The following CRADD variants were observed in gnomAD, a reference collection of about 807,000 sequenced individuals.
CRADD encodes the protein death domain-containing protein CRADD.
In CRADD, 9 loss-of-function variants were observed where a neutral mutation model predicts 15.5. The ratio of observed to expected loss-of-function variants is 0.58; its 90% confidence interval spans 0.35 to 1.01. CRADD has a LOEUF of 1.01. Among genes scored for constraint, CRADD ranks in the 50% least tolerant of loss-of-function variants. The pLI is 0.02. For synonymous variants in CRADD, 118 were observed against 107.6 expected (o/e 1.10, Z -0.60); for missense variants, 227 against 250.3 (o/e 0.91, Z 0.63).
intron 2 of CRADD, among the ~76,000 whole-genome samples, chr12:93,836,625 T>TGA (rs1957975730): frequency 6.6e-6 from 1 of 152,250 alleles, no homozygotes; most frequent in Non-Finnish European, 1.5e-5. Flanking sequence ...GTAATTTCTC[T>TGA]GGTTTTAAAT....
chr12:93,753,045 G>C (rs750590558), intron 2 of CRADD, among the ~76,000 whole-genome samples: 1 of 151,980 alleles, frequency 6.6e-6, no homozygotes, highest in Non-Finnish European at 1.5e-5. Context: ...CCTCCCACTG[G>C]GTTCTTCCCA....
chr12:93,785,271 T>A (rs370261809), intron 2 of CRADD, among the ~76,000 whole-genome samples: 2 of 152,186 alleles, frequency 1.3e-5, no homozygotes, highest in African/African-American at 4.8e-5. Flanking sequence ...TACCATCTTA[T>A]GTGGTTGAAA....
chr12:93,787,305 G>GTTTTT (rs34146137), intron 2 of CRADD, among the ~76,000 whole-genome samples: 3 of 124,742 alleles, frequency 2.4e-5, no homozygotes, highest in Admixed American at 8.3e-5. Context: ...GTATGACAGG[G>GTTTTT]TTTTTTTTTT....
intron 2 of CRADD, among the ~76,000 whole-genome samples, chr12:93,886,799 A>T (rs530886028): frequency 6.6e-6 from 1 of 152,136 alleles, no homozygotes; most frequent in African/African-American, 2.4e-5. Flanking sequence ...CCCTGCTAAC[A>T]GTGGAGATTT....
At chr12:93,700,754 C>T (rs897108791) in intron 2 of CRADD, among the ~76,000 whole-genome samples, 1 of 152,030 alleles carries the variant, frequency 6.6e-6, no homozygotes, top group Non-Finnish European at 1.5e-5. Flanking sequence ...ATGTGCTGTG[C>T]TGTTGGGTTT....
chr12:93,812,071 T>C (rs1957633618), intron 2 of CRADD, among the ~76,000 whole-genome samples: 1 of 151,996 alleles, frequency 6.6e-6, no homozygotes, highest in Non-Finnish European at 1.5e-5. Context: ...AAGGCAAAAC[T>C]ATAGAGAAAG....
At chr12:93,730,496 T>A (rs1956444609) in intron 2 of CRADD, among the ~76,000 whole-genome samples, 1 of 152,212 alleles carries the variant, frequency 6.6e-6, no homozygotes, top group Non-Finnish European at 1.5e-5. Context: ...CAATATGTAT[T>A]GAAAGCTACA....
At position 93,846,617 on chromosome 12, in the gene CRADD, C is replaced by CAT. The variant is rs1555228800; in HGVS notation, c.299-3352_299-3351insTA. 815 of 151,732 alleles carry CAT rather than the reference C, an allele frequency of 5.4e-3. 13 individuals are homozygous for CAT. Among genetic ancestry groups the CAT allele is most frequent in the Admixed American group, 0.023 (354 of 15,200 alleles). 9.4% of individuals were successfully genotyped at this position (151,732 alleles called of 1,614,324 possible). ...ACACACACACACACACACACACACA[C>CAT]ACACACACGATGGACATAGCTGAAA... On this transcript the variant is annotated intron_variant, in intron 2 of 2. Transcript: ENST00000332896.
At chr12:93,815,571 T>G (rs1471678136) in intron 2 of CRADD, 1 of 152,242 alleles carries the variant, frequency 6.6e-6, no homozygotes, top group Admixed American at 6.5e-5. Context: ...GATCTATGGA[T>G]TTTATACCAG....
At chr12:93,767,153 T>A (rs987528176) in intron 2 of CRADD, among the ~76,000 whole-genome samples, 1 of 152,246 alleles carries the variant, frequency 6.6e-6, no homozygotes, top group African/African-American at 2.4e-5. Context: ...TTCTGCATGT[T>A]TTTCTGCATG....
intron 2 of CRADD, among the ~76,000 whole-genome samples, chr12:93,803,889 A>C (rs1163419396): frequency 2.0e-5 from 3 of 152,112 alleles, no homozygotes; most frequent in Non-Finnish European, 4.4e-5. Context: ...AGGGAGGAAA[A>C]GAGTGGATCA....
intron 2 of CRADD, among the ~76,000 whole-genome samples, chr12:93,735,906 T>C (rs767314865): frequency 9.9e-5 from 15 of 151,594 alleles, no homozygotes; most frequent in Non-Finnish European, 2.1e-4. Context: ...ATAAAGTGCA[T>C]AGCAAGCTGG....
At position 93,881,375 on chromosome 12, in the gene CRADD, A is replaced by G. The variant is rs79368346; in HGVS notation, c.299-12675A>G. ...CAAAAAAAGACTGTGGCTAATAGAT[A>G]TGTCACAGCTTTTTAGAAACACGTC... On this transcript the variant is annotated intron_variant, in intron 2 of 2. Transcript: ENST00000548483. 4.4e-3 allele frequency among the ~76,000 whole-genome samples: 613 copies of G among 139,994 alleles called. 2 individuals are homozygous for G. Among genetic ancestry groups the G allele is most frequent in the Middle Eastern group, 0.031 (8 of 254 alleles). 91.8% of individuals were successfully genotyped at this position (139,994 alleles called of 152,430 possible). A position where few individuals can be genotyped will look rare whatever the true frequency, so the allele number is the denominator to read the frequency against.
intron 2 of CRADD, among the ~76,000 whole-genome samples, chr12:93,772,767 G>A (rs375831394): frequency 2.5e-4 from 38 of 152,292 alleles, no homozygotes; most frequent in African/African-American, 7.5e-4. Context: ...GGGTTGGACT[G>A]GACAGCAAAG....
At chr12:93,683,702 C>T (rs545396379) in intron 2 of CRADD, among the ~76,000 whole-genome samples, 1 of 152,356 alleles carries the variant, frequency 6.6e-6, no homozygotes, top group East Asian at 1.9e-4. Context: ...CACCTGCCGC[C>T]CTCCTGAGAT....
intron 2 of CRADD, among the ~76,000 whole-genome samples, chr12:93,827,224 T>C (rs143645803): frequency 2.4e-4 from 37 of 152,284 alleles, no homozygotes; most frequent in African/African-American, 8.4e-4. Context: ...AATTCCTTCT[T>C]CCCATCACCC....
intron 2 of CRADD, among the ~76,000 whole-genome samples, chr12:93,722,314 G>A (rs186452072): frequency 6.6e-6 from 1 of 152,058 alleles, no homozygotes; most frequent in African/African-American, 2.4e-5. Context: ...GATAGCCTAG[G>A]TATAGTTTTT....
intron 2 of CRADD, among the ~76,000 whole-genome samples, chr12:93,887,835 G>A (rs1228534532): frequency 6.6e-6 from 1 of 152,188 alleles, no homozygotes. Flanking sequence ...GGAGTTCATA[G>A]CTGGATGGGA....
intron 2 of CRADD, among the ~76,000 whole-genome samples, chr12:93,882,214 G>T (rs572346567): frequency 1.3e-5 from 2 of 152,024 alleles, no homozygotes; most frequent in Non-Finnish European, 2.9e-5. Flanking sequence ...AAGGTCAGGA[G>T]TTCGAGACCA....
Sources: gnomAD v4.1 joint callset for allele counts (sites outside exome capture counted in the v4.1 genomes callset) on GRCh38, gnomAD v4.1.1 for gene constraint, MANE v1.5 for transcripts, NCBI Gene and HGNC (gene_info 2026-07-23, HGNC 2026-07-21) for gene names.